Variants in SMG6 observed in about 807,000 individuals in gnomAD.
The protein encoded by SMG6 is SMG6 nonsense mediated mRNA decay factor.
In SMG6, 66 loss-of-function variants were observed where a neutral mutation model predicts 142.2. The observed-to-expected ratio is 0.46, with a 90% CI of 0.38 to 0.57. The LOEUF is 0.57. SMG6 is among the 20% of genes least tolerant of loss of function. SMG6 has a pLI of 0.00. For missense variants in SMG6, 1,793 were observed against 1,832.0 expected (o/e 0.98, Z 0.39); for synonymous variants, 779 against 702.4 (o/e 1.11, Z -1.72).
chr17:2,192,958 A>G (rs1255093450), intron 10 of SMG6, among the ~76,000 whole-genome samples: 1 of 152,202 alleles, frequency 6.6e-6, no homozygotes, highest in African/African-American at 2.4e-5. Flanking sequence ...ATCAGGCACT[A>G]ATACACCCAA....
At chr17:2,081,988 G>C in intron 14 of SMG6, 32 bp from the exon 15 acceptor site, 1 of 1,613,022 alleles carries the variant, frequency 6.2e-7, no homozygotes, top group Non-Finnish European at 8.5e-7. Context: ...AGGACAAAGA[G>C]GAGACAGTTA....
chr17:2,194,176 G>A (rs1445574073), intron 10 of SMG6, among the ~76,000 whole-genome samples: 1 of 152,202 alleles, frequency 6.6e-6, no homozygotes, highest in Non-Finnish European at 1.5e-5. Flanking sequence ...TACTACTTGA[G>A]GCACGCAAGT....
At chr17:2,229,787 A>G (rs576164812) in intron 10 of SMG6, among the ~76,000 whole-genome samples, 3 of 152,230 alleles carry the variant, frequency 2.0e-5, no homozygotes, top group African/African-American at 7.2e-5. Flanking sequence ...GAACATACCT[A>G]CTTTCTCTGT....
chr17:2,097,912 A>G (rs1264113214), intron 13 of SMG6, among the ~76,000 whole-genome samples: 2 of 152,184 alleles, frequency 1.3e-5, no homozygotes, highest in African/African-American at 4.8e-5. Flanking sequence ...GGGATACTCA[A>G]TTTTAATAAT....
At chr17:2,097,449 G>A (rs1009650287) in intron 13 of SMG6, among the ~76,000 whole-genome samples, 2 of 152,072 alleles carry the variant, frequency 1.3e-5, no homozygotes, top group African/African-American at 4.8e-5. Context: ...CATTTTTATT[G>A]TCTACACTAA....
intron 9 of SMG6, among the ~76,000 whole-genome samples, chr17:2,240,532 C>T (rs2073774776): frequency 6.6e-6 from 1 of 151,890 alleles, no homozygotes; most frequent in Admixed American, 6.6e-5. Flanking sequence ...CTGGAATGGA[C>T]CTCAGAGACC....
At chr17:2,208,206 C>A (rs1168889758) in intron 10 of SMG6, among the ~76,000 whole-genome samples, 1 of 152,262 alleles carries the variant, frequency 6.6e-6, no homozygotes, top group Middle Eastern at 3.4e-3. Flanking sequence ...AAATAGCAAA[C>A]CTGCCTCCAC....
intron 8 of SMG6, among the ~76,000 whole-genome samples, chr17:2,275,452 A>G (rs1213950665): frequency 6.6e-6 from 1 of 152,048 alleles, no homozygotes; most frequent in Non-Finnish European, 1.5e-5. Context: ...TAAGTCTATC[A>G]GTCTATCATC....
chr17:2,218,338 A>G (rs1407238766), intron 10 of SMG6, among the ~76,000 whole-genome samples: 14 of 152,250 alleles, frequency 9.2e-5, no homozygotes, highest in Non-Finnish European at 4.4e-5. Context: ...TCACGAGGCC[A>G]GGAGATCGAG....
rs2232477 is a variant in SMG6, at chr17:2,089,074, G to A, written c.3358-3173C>T. The stretch of plus-strand genomic sequence containing the variant: ...TTTGCTTGGTCTAGGAGGACTTCCT[G>A]GTAGGAGAGGGGTTAAAGCTGGACT... On this transcript the variant is annotated intron_variant, in intron 13 of 18. Transcript: ENST00000263073. Among the ~76,000 whole-genome samples the A allele has an allele frequency of 2.8e-4, 42 of 152,250 alleles. 1 individual carries two copies. In the East Asian group the frequency reaches 8.1e-3, roughly 29 times the overall value.
chr17:2,081,743 C>T, intron 15 of SMG6, 67 bp downstream of exon 15: 1 of 1,577,834 alleles, frequency 6.3e-7, no homozygotes, highest in Non-Finnish European at 8.6e-7. Context: ...TGCTCTCTGC[C>T]CACATCCTCT....
At chr17:2,172,156 A>C (rs1210057585) in intron 13 of SMG6, among the ~76,000 whole-genome samples, 1 of 152,186 alleles carries the variant, frequency 6.6e-6, no homozygotes, top group Non-Finnish European at 1.5e-5. Context: ...AATAGAAACC[A>C]GGCAGTGGGG....
intron 8 of SMG6, among the ~76,000 whole-genome samples, chr17:2,271,538 A>AC (rs1239230060): frequency 6.7e-6 from 1 of 149,022 alleles, no homozygotes; most frequent in Non-Finnish European, 1.5e-5. Flanking sequence ...ACACGGTGAA[A>AC]CCCCGTCTCT....
At chr17:2,167,131 C>CA (rs57898779) in intron 13 of SMG6, among the ~76,000 whole-genome samples, 15,345 of 35,784 alleles carry the variant, frequency 0.43, 4,935 homozygotes, top group Admixed American at 0.48. Context: ...GACTCCATCT[C>CA]AAAAAAAAAA....
chr17:2,130,184 C>A (rs555191020), intron 13 of SMG6, among the ~76,000 whole-genome samples: 5 of 142,046 alleles, frequency 3.5e-5, no homozygotes, highest in Non-Finnish European at 7.5e-5. Flanking sequence ...GGCGTGAACC[C>A]GGGAAGCGGA....
At chr17:2,113,080 C>CA (rs756467267) in intron 13 of SMG6, among the ~76,000 whole-genome samples, 2 of 151,668 alleles carry the variant, frequency 1.3e-5, no homozygotes, top group African/African-American at 2.4e-5. Context: ...TTTTAAGAGA[C>CA]AGAGTCTTGC....
chr17:2,167,659 C>T (rs762409918), intron 13 of SMG6, among the ~76,000 whole-genome samples: 1 of 152,242 alleles, frequency 6.6e-6, no homozygotes, highest in South Asian at 2.1e-4. Flanking sequence ...AAGATACCTG[C>T]CTTATGTGTC....
chr17:2,172,839 G>A lies in SMG6; in HGVS notation c.3176C>T (p.Ser1059Leu), dbSNP rs759119345. The change falls in exon 13 of 19, where the codon TCG becomes TTG. Residue 1059 changes from serine (S) to leucine (L), a missense_variant. Transcript: ENST00000263073. Reference protein sequence around the residue: ...LPSHVAVDVWSTLADFCNILT... With the variant: ...LPSHVAVDVWLTLADFCNILT... ...TATGTTACAGAAATCAGCCAGCGTC[G>A]ACCATACATCCACAGCAACACTGTG... is the stretch of plus-strand genomic sequence containing the variant. The A allele has an allele frequency of 6.8e-6, 11 of 1,613,950 alleles. No homozygotes were observed. The highest frequency in any genetic ancestry group is 4.0e-5 in the African/African-American group (3 of 74,872).
chr17:2,209,430 T>C (rs1179283401), intron 10 of SMG6, among the ~76,000 whole-genome samples: 1 of 152,170 alleles, frequency 6.6e-6, no homozygotes, highest in African/African-American at 2.4e-5. Context: ...AGTAGCACGA[T>C]CTCGGCTCTG....
Sources: gnomAD v4.1 joint callset for allele counts (sites outside exome capture counted in the v4.1 genomes callset) on GRCh38, gnomAD v4.1.1 for gene constraint, MANE v1.5 for transcripts, NCBI Gene and HGNC (gene_info 2026-07-23, HGNC 2026-07-21) for gene names.